The following AXDND1 variants were observed in gnomAD, a reference collection of about 807,000 sequenced individuals.
AXDND1 encodes axonemal dynein light chain domain containing 1.
In AXDND1, 110 loss-of-function variants were observed where a neutral mutation model predicts 137.5. The ratio of observed to expected loss-of-function variants is 0.80; its 90% CI spans 0.69 to 0.94. The LOEUF (loss-of-function observed/expected upper bound fraction) is 0.94, where lower values mean the gene tolerates loss of function less well. Among genes scored for constraint, AXDND1 ranks in the 40% least tolerant of loss-of-function variants. The pLI is 0.00. For missense variants in AXDND1, 1,191 were observed against 1,169.8 expected, an observed-to-expected ratio of 1.02 and a Z score of -0.26; for synonymous variants, 414 against 399.7, an observed-to-expected ratio of 1.04 and a Z score of -0.43.
At chr1:179,463,398 G>C (rs1207735516) in intron 16 of AXDND1, among the ~76,000 whole-genome samples, 1 of 152,198 alleles carries the variant, frequency 6.6e-6, no homozygotes, top group East Asian at 1.9e-4. Context: ...TTCAGGAGCA[G>C]GTTGTTCAGT....
In AXDND1 at chr1:179,395,178, T is replaced by C. The variant is rs763188787; in HGVS notation, c.1085T>C (p.Leu362Pro). 64 of 1,612,922 alleles carry C rather than the reference T, an allele frequency of 4.0e-5. No individual in the cohort carries two copies. The Admixed American group carries it at 1.1e-3, about 27-fold the overall frequency. The change falls in exon 11 of 26, where the codon CTT (leucine) becomes CCT (proline). Residue 362 changes from leucine to proline, a missense_variant. Transcript: ENST00000367618. ...EKAHKDLAQA[L>P]LNAEKNAKIV... Reference sequence around the variant, plus strand: ...GCCCACAAGGATTTGGCACAAGCTCTTTTAAATGCGGAAAAGAATGCCAAG... The same window carrying C: ...GCCCACAAGGATTTGGCACAAGCTCCTTTAAATGCGGAAAAGAATGCCAAG...
intron 12 of AXDND1, among the ~76,000 whole-genome samples, chr1:179,425,542 A>G (rs1656418112): frequency 6.6e-6 from 1 of 151,606 alleles, no homozygotes; most frequent in African/African-American, 2.4e-5. Context: ...TCTCCTGCCA[A>G]GGAATCAACA....
intron 8 of AXDND1, among the ~76,000 whole-genome samples, chr1:179,384,269 T>C (rs1648846246): frequency 6.6e-6 from 1 of 152,204 alleles, no homozygotes; most frequent in Non-Finnish European, 1.5e-5. Context: ...TGTCTACATA[T>C]GCATCACTTT....
chr1:179,552,818 T>C, intron 25 of AXDND1: 1 of 720,840 alleles, frequency 1.4e-6, no homozygotes, highest in Non-Finnish European at 2.5e-6. Context: ...GTGCCATTCC[T>C]AGACTTCTGA....
intron 4 of AXDND1, among the ~76,000 whole-genome samples, chr1:179,376,034 A>T (rs79271260): frequency 0.018 from 2,708 of 152,234 alleles, 68 homozygotes; most frequent in African/African-American, 0.06. Context: ...CTCAAAGCAC[A>T]CCCTCTCCCA....
At chr1:179,511,184 T>C (rs1669014344) in intron 21 of AXDND1, among the ~76,000 whole-genome samples, 1 of 151,660 alleles carries the variant, frequency 6.6e-6, no homozygotes, top group Non-Finnish European at 1.5e-5. Flanking sequence ...AAAAAAAAGT[T>C]TCTCCAGTCT....
At chr1:179,533,535 C>T (rs1211281034) in intron 23 of AXDND1, among the ~76,000 whole-genome samples, 4 of 151,330 alleles carry the variant, frequency 2.6e-5, no homozygotes, top group African/African-American at 9.7e-5. Flanking sequence ...ACTGTTTCCC[C>T]TGCTTCTTCT....
At chr1:179,461,703 T>A (rs570778299) in intron 16 of AXDND1, among the ~76,000 whole-genome samples, 25 of 152,330 alleles carry the variant, frequency 1.6e-4, no homozygotes, top group African/African-American at 5.5e-4. Context: ...TTCTGCCGTT[T>A]GTCTGTGTCC....
At chr1:179,484,136 C>T (rs553521688) in intron 18 of AXDND1, among the ~76,000 whole-genome samples, 82 of 152,272 alleles carry the variant, frequency 5.4e-4, no homozygotes, top group African/African-American at 1.9e-3. Context: ...GCTAAGCAGG[C>T]GAGAAGTGAC....
At chr1:179,419,268 C>G (rs1330512676) in intron 12 of AXDND1, among the ~76,000 whole-genome samples, 6 of 151,974 alleles carry the variant, frequency 3.9e-5, no homozygotes, top group Non-Finnish European at 8.8e-5. Flanking sequence ...AGGCAGGCGG[C>G]TGGGAGGTGG....
chr1:179,471,529 C>A (rs1427953289), intron 17 of AXDND1, among the ~76,000 whole-genome samples: 1 of 152,112 alleles, frequency 6.6e-6, no homozygotes, highest in Non-Finnish European at 1.5e-5. Flanking sequence ...CTTTTTATTT[C>A]TGAAAGAAGA....
At chr1:179,540,053 G>T (rs1351552019) in intron 25 of AXDND1, among the ~76,000 whole-genome samples, 1 of 151,912 alleles carries the variant, frequency 6.6e-6, no homozygotes, top group African/African-American at 2.4e-5. Context: ...GGTCATTTAT[G>T]TTCTTCTCTA....
intron 12 of AXDND1, among the ~76,000 whole-genome samples, chr1:179,421,035 C>CCCTTCCTTCCTTCCTTCCTTCCTT (rs143579938): frequency 7.4e-6 from 1 of 134,692 alleles, no homozygotes; most frequent in Non-Finnish European, 1.6e-5. Flanking sequence ...ATTTGGGTAT[C>CCCTTCCTTCCTTCCTTCCTTCCTT]CCTTCCTTCC....
intron 14 of AXDND1, among the ~76,000 whole-genome samples, chr1:179,431,580 T>C (rs1320819665): frequency 1.3e-5 from 2 of 152,036 alleles, no homozygotes; most frequent in Non-Finnish European, 2.9e-5. Flanking sequence ...TTTTTTAAAT[T>C]TTAAGATGCT....
Position 179,479,741 on chromosome 1 carries a change from C to CCTGGGCGACGGAGTGAG in AXDND1, c.1998-3387_1998-3386insCTGGGCGACGGAGTGAG, listed in dbSNP as rs1665122481. Among the ~76,000 whole-genome samples, 4 of 152,264 alleles carry CCTGGGCGACGGAGTGAG rather than the reference C, an allele frequency of 2.6e-5. No homozygotes were observed. In the South Asian group the frequency reaches 8.3e-4, roughly 32 times the overall value. ...GCGGTGAGCCGAGATCGCACCACTG[C>CCTGGGCGACGGAGTGAG]ACTTTAGCCTGGGCGACGGAGTGAG... On this transcript the variant is annotated intron_variant, in intron 17 of 25. Transcript: ENST00000367618.
intron 16 of AXDND1, among the ~76,000 whole-genome samples, chr1:179,460,355 C>T (rs928869806): frequency 2.0e-5 from 3 of 152,164 alleles, no homozygotes; most frequent in Admixed American, 1.3e-4. Context: ...ATCCATGTCC[C>T]TACAAAGGAC....
intron 7 of AXDND1, 149 bp downstream of exon 7, chr1:179,382,905 T>C (rs1648609710): frequency 1.8e-6 from 1 of 542,240 alleles, no homozygotes; most frequent in African/African-American, 1.9e-5. Flanking sequence ...AATCAGTGTT[T>C]TCGTTTTTAC....
At chr1:179,475,588 A>G (rs186857723) in intron 17 of AXDND1, among the ~76,000 whole-genome samples, 57 of 152,368 alleles carry the variant, frequency 3.7e-4, no homozygotes, top group Admixed American at 1.1e-3. Flanking sequence ...CATTTATCCA[A>G]TGCCTCTACC....
intron 4 of AXDND1, among the ~76,000 whole-genome samples, chr1:179,377,045 C>A (rs1403614511): frequency 6.6e-6 from 1 of 152,094 alleles, no homozygotes; most frequent in Non-Finnish European, 1.5e-5. Flanking sequence ...GATTCTCCTG[C>A]CTCAGCCTCC....
Sources: allele counts gnomAD v4.1 joint callset (sites outside exome capture counted in the v4.1 genomes callset), GRCh38; gene constraint gnomAD v4.1.1; transcripts MANE v1.5; gene names NCBI Gene and HGNC (gene_info 2026-07-23, HGNC 2026-07-21).